The following UNC13C variants were observed in gnomAD, a reference collection of about 807,000 sequenced individuals.
UNC13C encodes the protein unc-13 homolog C, also known as protein unc-13 homolog C.
A neutral mutation model predicts 245.4 loss-of-function variants in UNC13C; 174 were observed. The ratio of observed to expected loss-of-function variants is 0.71; its 90% confidence interval spans 0.63 to 0.80. UNC13C has a LOEUF of 0.80. Among genes scored for constraint, UNC13C ranks in the 30% least tolerant of loss-of-function variants. The pLI, the probability that UNC13C is intolerant of heterozygous loss-of-function variation, is 0.00. For synonymous variants in UNC13C, 992 were observed against 895.1 expected (o/e 1.11, Z -1.93); for missense variants, 2,829 against 2,602.9 (o/e 1.09, Z -1.89).
intron 14 of UNC13C, 40 bp from the exon 15 acceptor site, chr15:54,332,003 A>T: frequency 1.4e-6 from 2 of 1,401,302 alleles, no homozygotes; most frequent in Non-Finnish European, 2.0e-6. Context: ...TAGAGTGGTC[A>T]TTTATTTCCA....
At chr15:54,595,923 A>T (rs1193581343) in intron 30 of UNC13C, among the ~76,000 whole-genome samples, 1 of 152,210 alleles carries the variant, frequency 6.6e-6, no homozygotes. Context: ...CTCTTAAATG[A>T]TTACATGAAG....
intron 2 of UNC13C, among the ~76,000 whole-genome samples, chr15:54,119,708 G>A (rs2030533021): frequency 6.6e-6 from 1 of 152,154 alleles, no homozygotes; most frequent in African/African-American, 2.4e-5. Flanking sequence ...GTGCCTGTTA[G>A]CCAAGTTGTA....
chr15:54,238,827 G>C (rs551531584), intron 7 of UNC13C, among the ~76,000 whole-genome samples: 2 of 152,278 alleles, frequency 1.3e-5, no homozygotes, highest in East Asian at 1.9e-4. Context: ...ATACAAGTAG[G>C]CTGTAATTAT....
chr15:54,419,684 T>A (rs1294766830), intron 19 of UNC13C, among the ~76,000 whole-genome samples: 1 of 152,106 alleles, frequency 6.6e-6, no homozygotes, highest in Non-Finnish European at 1.5e-5. Flanking sequence ...TTCTGCCTCT[T>A]TGGTTTTGAA....
chr15:54,224,084 G>A (rs539972032), intron 4 of UNC13C, among the ~76,000 whole-genome samples: 204 of 152,080 alleles, frequency 1.3e-3, no homozygotes, highest in African/African-American at 4.7e-3. Context: ...ATGTGCAAAC[G>A]AAGATAATTT....
chr15:54,090,330 G>A (rs1165713871), intron 2 of UNC13C, among the ~76,000 whole-genome samples: 3 of 151,854 alleles, frequency 2.0e-5, no homozygotes, highest in Non-Finnish European at 4.4e-5. Flanking sequence ...AAAGGCTTAA[G>A]GATGAAGGGA....
At chr15:54,017,914 A>T (rs1895733501) in intron 2 of UNC13C, among the ~76,000 whole-genome samples, 1 of 152,182 alleles carries the variant, frequency 6.6e-6, no homozygotes, top group Non-Finnish European at 1.5e-5. Context: ...CTGTGAGCCA[A>T]CTTTGAATGG....
rs559919730 is a variant in UNC13C at position 54,011,974 on chromosome 15, G to A, written c.-256-674G>A. Among the ~76,000 whole-genome samples the A allele has an allele frequency of 3.0e-4, 45 of 152,264 alleles. No homozygotes were observed. In the South Asian group the frequency reaches 9.3e-3, roughly 32 times the overall value. ...TACTGGAATACCAACAAAGCCTTTT[G>A]ACTGTTACTATTATTCTGGGTTACA... On this transcript the variant is annotated intron_variant, in intron 1 of 32. Coordinates refer to ENST00000260323, the MANE Select transcript of UNC13C (RefSeq NM_001080534.3).
chr15:54,381,179 A>G (rs761659664), intron 17 of UNC13C, among the ~76,000 whole-genome samples: 1 of 152,024 alleles, frequency 6.6e-6, no homozygotes, highest in Non-Finnish European at 1.5e-5. Context: ...CTGCATGTGG[A>G]TGTCTAGTTT....
At chr15:54,177,059 C>T (rs2033639429) in intron 4 of UNC13C, among the ~76,000 whole-genome samples, 2 of 151,990 alleles carry the variant, frequency 1.3e-5, no homozygotes, top group Non-Finnish European at 2.9e-5. Context: ...ATTATATAGT[C>T]TAGAAATCTG....
chr15:54,462,096 G>T (rs1891878151), intron 19 of UNC13C, among the ~76,000 whole-genome samples: 2 of 152,132 alleles, frequency 1.3e-5, no homozygotes, highest in Admixed American at 6.5e-5. Context: ...AAGGATTTGG[G>T]TTTACCCAAG....
chr15:54,478,043 T>A (rs1892873245), intron 19 of UNC13C, among the ~76,000 whole-genome samples: 1 of 151,518 alleles, frequency 6.6e-6, no homozygotes, highest in Non-Finnish European at 1.5e-5. Context: ...CTTGGGAGAG[T>A]GTATGTGTCG....
chr15:54,408,688 C>T (rs1384784786), intron 18 of UNC13C, among the ~76,000 whole-genome samples: 1 of 152,138 alleles, frequency 6.6e-6, no homozygotes, highest in East Asian at 1.9e-4. Flanking sequence ...AAGCGTGACT[C>T]CCCAACCTAA....
At chr15:54,408,172 C>A (rs921987663) in intron 18 of UNC13C, among the ~76,000 whole-genome samples, 1 of 120,812 alleles carries the variant, frequency 8.3e-6, no homozygotes, top group Admixed American at 1.0e-4. Context: ...TGCACTCCAG[C>A]CTGGGTGACA....
chr15:54,014,160 A>G lies in UNC13C; in HGVS notation c.1257A>G (p.Lys419=), dbSNP rs1440317114. 3 of 1,613,736 alleles carry G rather than the reference A, an allele frequency of 1.9e-6. No individual in the cohort carries two copies. In the South Asian group the frequency reaches 3.3e-5, roughly 18 times the overall value. The part of the protein sequence containing the change: ...LTHDIRERKE[K]GIPSSQTYES... ...ATGACATCAGAGAAAGAAAAGAGAA[A>G]GGGATACCATCCTCCCAGACATATG... Residue 419 remains lysine, a synonymous_variant, in exon 2 of 33, where the codon AAA becomes AAG. Coordinates refer to ENST00000260323, the MANE Select transcript of UNC13C (RefSeq NM_001080534.3).
At chr15:54,556,239 A>T (rs1434491039) in intron 29 of UNC13C, among the ~76,000 whole-genome samples, 1 of 152,116 alleles carries the variant, frequency 6.6e-6, no homozygotes, top group Admixed American at 6.6e-5. Context: ...TGGGGGAAAC[A>T]TCTACTATCC....
At chr15:54,617,574 C>T (rs936592971) in intron 30 of UNC13C, among the ~76,000 whole-genome samples, 1 of 152,046 alleles carries the variant, frequency 6.6e-6, no homozygotes, top group African/African-American at 2.4e-5. Context: ...TAGCACAATG[C>T]CTGGCATACA....
intron 30 of UNC13C, among the ~76,000 whole-genome samples, chr15:54,610,161 T>C (rs939814604): frequency 2.6e-5 from 4 of 152,210 alleles, no homozygotes; most frequent in Admixed American, 1.3e-4. Flanking sequence ...CTTCACTGTT[T>C]AGTGTGCATT....
the UNC13C span, among the ~76,000 whole-genome samples, chr15:53,927,474 C>T: frequency 6.6e-6 from 1 of 152,188 alleles, no homozygotes; most frequent in African/African-American, 2.4e-5. Flanking sequence ...CTGGCATGGA[C>T]TGACTGTAGA....
Sources: gnomAD v4.1 joint callset for allele counts (sites outside exome capture counted in the v4.1 genomes callset) on GRCh38, gnomAD v4.1.1 for gene constraint, MANE v1.5 for transcripts, NCBI Gene and HGNC (gene_info 2026-07-23, HGNC 2026-07-21) for gene names.